Variants in PRKCA observed in about 807,000 individuals in gnomAD.
The protein encoded by PRKCA is protein kinase C alpha.
PRKCA carries 27 observed loss-of-function variants against 87.0 expected under a neutral mutation model. The ratio of observed to expected loss-of-function variants is 0.31; its 90% CI spans 0.23 to 0.43. The LOEUF is 0.43. PRKCA is among the 20% of genes least tolerant of loss of function. The pLI is 1.00. For synonymous variants in PRKCA, 329 were observed against 311.1 expected (o/e 1.06, Z -0.61); for missense variants, 518 against 852.3 (o/e 0.61, Z 4.88).
chr17:66,744,046 C>T (rs906068086), intron 13 of PRKCA, among the ~76,000 whole-genome samples: 11 of 152,126 alleles, frequency 7.2e-5, no homozygotes, highest in African/African-American at 2.2e-4. Context: ...GTAGACCCTC[C>T]ATAGTCATTA....
intron 2 of PRKCA, among the ~76,000 whole-genome samples, chr17:66,410,733 G>T (rs1335983345): frequency 6.6e-6 from 1 of 151,902 alleles, no homozygotes; most frequent in African/African-American, 2.4e-5. Flanking sequence ...ATACCACCAC[G>T]CCTGGCTAAT....
At chr17:66,454,437 T>C (rs1056901176) in intron 2 of PRKCA, among the ~76,000 whole-genome samples, 1 of 152,088 alleles carries the variant, frequency 6.6e-6, no homozygotes, top group African/African-American at 2.4e-5. Context: ...AAACCCAGAT[T>C]TGGGTGTTTA....
chr17:66,631,154 A>T (rs1366084588), intron 3 of PRKCA, among the ~76,000 whole-genome samples: 1 of 152,200 alleles, frequency 6.6e-6, no homozygotes, highest in Non-Finnish European at 1.5e-5. Flanking sequence ...TTTGTTGTGG[A>T]AAGCCACTGA....
chr17:66,594,299 A>G (rs1428803697), intron 3 of PRKCA, among the ~76,000 whole-genome samples: 1 of 152,148 alleles, frequency 6.6e-6, no homozygotes, highest in Non-Finnish European at 1.5e-5. Flanking sequence ...TCTTCCTGGC[A>G]TATGTTGGTT....
intron 5 of PRKCA, among the ~76,000 whole-genome samples, chr17:66,660,135 G>A (rs1971852866): frequency 6.6e-6 from 1 of 151,934 alleles, no homozygotes; most frequent in South Asian, 2.1e-4. Context: ...AAAAAACAAT[G>A]TTAGCTCTGG....
chr17:66,677,458 A>C (rs1972369763), intron 5 of PRKCA: 1 of 152,220 alleles, frequency 6.6e-6, no homozygotes. Context: ...TTCGCTATGC[A>C]ATAGACCTGA....
intron 13 of PRKCA, among the ~76,000 whole-genome samples, chr17:66,760,791 C>T (rs1317803868): frequency 6.6e-6 from 1 of 152,126 alleles, no homozygotes; most frequent in Admixed American, 6.6e-5. Context: ...TGCAAAAATC[C>T]TCAACAAAAT....
intron 2 of PRKCA, among the ~76,000 whole-genome samples, chr17:66,399,781 A>G (rs1910910411): frequency 6.6e-6 from 1 of 152,198 alleles, no homozygotes; most frequent in Non-Finnish European, 1.5e-5. Flanking sequence ...AGCATGTGAC[A>G]GGCTTCCTTT....
chr17:66,376,072 C>G (rs1909400623), intron 2 of PRKCA, among the ~76,000 whole-genome samples: 1 of 152,218 alleles, frequency 6.6e-6, no homozygotes, highest in Non-Finnish European at 1.5e-5. Context: ...CATACCAGCT[C>G]TCCTTGGAGT....
chr17:66,765,644 GTT>G (rs1974797877), intron 13 of PRKCA, among the ~76,000 whole-genome samples: 1 of 151,118 alleles, frequency 6.6e-6, no homozygotes, highest in South Asian at 2.1e-4. Context: ...GCACATCTCA[GTT>G]TGGACTAGCC....
chr17:66,804,171 A>G lies in PRKCA; in HGVS notation c.*134A>G, dbSNP rs1471021908. On this transcript the variant is annotated 3_prime_UTR_variant, in exon 17 of 17. Transcript: ENST00000413366. ...ATGGAGGCCTGAAAATTGTAGGGTT[A>G]TTAGTCCAAATGTGATCAACTGTTC... is the stretch of plus-strand genomic sequence containing the variant. 1.1e-5 allele frequency: 14 copies of G among 1,223,306 alleles called. No individual in the cohort carries two copies. The highest frequency in any genetic ancestry group is 1.6e-5 in the South Asian group (1 of 63,286). 75.8% of individuals were successfully genotyped at this position (1,223,306 alleles called of 1,614,324 possible).
intron 2 of PRKCA, among the ~76,000 whole-genome samples, chr17:66,411,433 T>G (rs1452714832): frequency 6.6e-6 from 1 of 152,064 alleles, no homozygotes; most frequent in African/African-American, 2.4e-5. Context: ...TGTTTTGAGA[T>G]TATCTGTGTA....
intron 2 of PRKCA, among the ~76,000 whole-genome samples, chr17:66,396,631 C>T (rs374534025): frequency 0.045 from 6,168 of 137,212 alleles, 212 homozygotes; most frequent in Admixed American, 0.076. Flanking sequence ...CATTCTCTCT[C>T]TTTTTTTTTT....
At chr17:66,784,580 G>T (rs756418414) in intron 14 of PRKCA, among the ~76,000 whole-genome samples, 2 of 152,156 alleles carry the variant, frequency 1.3e-5, no homozygotes, top group Non-Finnish European at 2.9e-5. Flanking sequence ...AATCTCCTTC[G>T]CCAAAACTCA....
intron 14 of PRKCA, chr17:66,777,776 A>T (rs1266324335): frequency 1.0e-6 from 1 of 985,248 alleles, no homozygotes; most frequent in Non-Finnish European, 1.2e-6. Context: ...CGAAGCCAGG[A>T]TCTGTTTCCG....
At chr17:66,664,389 C>T (rs1213786059) in intron 5 of PRKCA, among the ~76,000 whole-genome samples, 1 of 152,130 alleles carries the variant, frequency 6.6e-6, no homozygotes, top group East Asian at 1.9e-4. Context: ...GCCCCCAGGG[C>T]CTGTGAGGCT....
chr17:66,309,701 T>G (rs1391053275), intron 2 of PRKCA, among the ~76,000 whole-genome samples: 4 of 152,204 alleles, frequency 2.6e-5, no homozygotes, highest in Non-Finnish European at 5.9e-5. Context: ...TGGAGTTGCC[T>G]TCTTATTTTT....
At chr17:66,498,807 C>T (rs1916597135) in intron 3 of PRKCA, among the ~76,000 whole-genome samples, 1 of 152,106 alleles carries the variant, frequency 6.6e-6, no homozygotes, top group African/African-American at 2.4e-5. Flanking sequence ...TGTATGGGGC[C>T]CTGGAAAAGG....
chr17:66,725,470 T>C (rs1973722680), intron 8 of PRKCA, among the ~76,000 whole-genome samples: 1 of 151,940 alleles, frequency 6.6e-6, no homozygotes, highest in East Asian at 1.9e-4. Context: ...ACTTGGTCCT[T>C]ACCTCCTAGG....
Sources: gnomAD v4.1 joint callset for allele counts (sites outside exome capture counted in the v4.1 genomes callset) on GRCh38, gnomAD v4.1.1 for gene constraint, MANE v1.5 for transcripts, NCBI Gene and HGNC (gene_info 2026-07-23, HGNC 2026-07-21) for gene names.